The following VAV3 variants were observed in gnomAD, a reference collection of about 807,000 sequenced individuals.
The protein encoded by VAV3 is vav guanine nucleotide exchange factor 3.
VAV3 carries 94 observed loss-of-function variants against 131.2 expected under a neutral mutation model. The ratio of observed to expected loss-of-function variants is 0.72; its 90% CI spans 0.61 to 0.85. VAV3 has a LOEUF of 0.85. Ranked by LOEUF, VAV3 falls within the 40% of genes least tolerant of loss-of-function variation. The probability of loss-of-function intolerance (pLI) is 0.00; values close to 1 mark genes in which losing one functional copy is unlikely to be tolerated. For synonymous variants in VAV3, 349 were observed against 342.0 expected (o/e 1.02, Z -0.22); for missense variants, 939 against 1,002.7 (o/e 0.94, Z 0.86).
intron 22 of VAV3, among the ~76,000 whole-genome samples, chr1:107,608,611 G>A (rs1048900590): frequency 6.6e-6 from 1 of 152,166 alleles, no homozygotes; most frequent in African/African-American, 2.4e-5. Flanking sequence ...CCCAGGGAGG[G>A]ATATCAGGAA....
At position 107,751,124 on chromosome 1, in the gene VAV3, G is replaced by C; in HGVS notation, c.1252C>G (p.Gln418Glu). ...RITTLDKHTK[Q>E]ERHIFLFDLA... The stretch of plus-strand genomic sequence containing the variant: ...GTATTCTTCTTTTCTTACCTTTCTT[G>C]TTTGGTATGCTTGTCTAGAGTGGTT... Residue 418 changes from glutamine to glutamate, a missense_variant, in exon 13 of 27, where the codon CAA (glutamine) becomes GAA (glutamate). Physicochemically the swap from Gln to Glu is conservative, Grantham distance 29 (BLOSUM62 2). Transcript: ENST00000370056. The C allele has an allele frequency of 6.2e-7, 1 of 1,606,896 alleles. No individual in the cohort carries two copies. Among genetic ancestry groups the C allele is most frequent in the Non-Finnish European group, 8.5e-7 (1 of 1,177,650 alleles).
intron 19 of VAV3, among the ~76,000 whole-genome samples, chr1:107,656,012 T>C (rs1656524527): frequency 6.6e-6 from 1 of 152,058 alleles, no homozygotes; most frequent in African/African-American, 2.4e-5. Flanking sequence ...TAATGCTAAT[T>C]AGTACAGCCC....
intron 15 of VAV3, among the ~76,000 whole-genome samples, chr1:107,739,616 A>G (rs1211660525): frequency 6.6e-6 from 1 of 152,232 alleles, no homozygotes; most frequent in Non-Finnish European, 1.5e-5. Context: ...CATTTTAAGG[A>G]GGAAGAATGT....
chr1:107,679,922 T>G (rs1335349537), intron 19 of VAV3, among the ~76,000 whole-genome samples: 1 of 152,196 alleles, frequency 6.6e-6, no homozygotes, highest in Non-Finnish European at 1.5e-5. Context: ...TCAAAAGAGC[T>G]ACCAGAATTT....
chr1:107,706,029 G>C (rs1660430669), intron 15 of VAV3, among the ~76,000 whole-genome samples: 1 of 152,108 alleles, frequency 6.6e-6, no homozygotes, highest in Non-Finnish European at 1.5e-5. Context: ...TTAGGTTGCT[G>C]CAAAAGTAAT....
intron 15 of VAV3, among the ~76,000 whole-genome samples, chr1:107,721,995 G>A (rs1409902505): frequency 1.3e-5 from 2 of 152,178 alleles, no homozygotes; most frequent in Non-Finnish European, 2.9e-5. Context: ...AGTATTAATG[G>A]AGCTAACTAG....
At chr1:107,945,234 A>G (rs1049989209) in intron 1 of VAV3, among the ~76,000 whole-genome samples, 1 of 152,222 alleles carries the variant, frequency 6.6e-6, no homozygotes, top group East Asian at 1.9e-4. Flanking sequence ...GAAAGATTAT[A>G]TAAGAAAAAA....
At chr1:107,850,101 A>G (rs1411883753) in intron 2 of VAV3, among the ~76,000 whole-genome samples, 1 of 152,172 alleles carries the variant, frequency 6.6e-6, no homozygotes, top group Non-Finnish European at 1.5e-5. Context: ...GAGAAATAGG[A>G]ACACTTTTAC....
In VAV3 at chr1:107,794,076, T is replaced by C. The variant is rs140753746; in HGVS notation, c.322-14584A>G. ...CGGGCATTATTTAGAAATTTCATTC[T>C]GTTCCAGACGGGACCAAAGATAGCT... is the stretch of plus-strand genomic sequence containing the variant. On this transcript the variant is annotated intron_variant, in intron 2 of 26. Coordinates refer to ENST00000370056, the MANE Select transcript of VAV3 (RefSeq NM_006113.5). Among the ~76,000 whole-genome samples, 24 of 152,386 alleles carry C rather than the reference T, an allele frequency of 1.6e-4. No homozygotes were observed. The East Asian group carries it at 2.9e-3, about 18-fold the overall frequency.
At chr1:107,660,741 G>A (rs72975651) in intron 19 of VAV3, among the ~76,000 whole-genome samples, 2 of 152,236 alleles carry the variant, frequency 1.3e-5, no homozygotes, top group South Asian at 4.1e-4. Context: ...TGCTTGGAAT[G>A]TGAACAACAT....
chr1:107,909,457 AT>A, intron 1 of VAV3, among the ~76,000 whole-genome samples: 1 of 152,000 alleles, frequency 6.6e-6, no homozygotes, highest in Non-Finnish European at 1.5e-5. Context: ...GGAAAAAAAA[AT>A]GGTCACAATT....
At chr1:107,701,943 T>G (rs1660156610) in intron 17 of VAV3, among the ~76,000 whole-genome samples, 1 of 152,220 alleles carries the variant, frequency 6.6e-6, no homozygotes, top group African/African-American at 2.4e-5. Flanking sequence ...TGTCTTCTTC[T>G]GAGCCCTCCA....
chr1:107,800,435 G>A (rs1384674082), intron 2 of VAV3, among the ~76,000 whole-genome samples: 3 of 151,972 alleles, frequency 2.0e-5, no homozygotes, highest in Admixed American at 2.0e-4. Flanking sequence ...TTGCTTTTCT[G>A]TGATTATTAG....
chr1:107,639,698 A>G (rs1655191575), intron 20 of VAV3, among the ~76,000 whole-genome samples: 1 of 152,104 alleles, frequency 6.6e-6, no homozygotes, highest in Admixed American at 6.5e-5. Context: ...AATCCTAGCT[A>G]CTTGGCAGGC....
chr1:107,854,007 C>T (rs552324220), intron 2 of VAV3, among the ~76,000 whole-genome samples: 65 of 152,082 alleles, frequency 4.3e-4, no homozygotes, highest in African/African-American at 1.5e-3. Context: ...TGAAAGGTCA[C>T]TATGAATAAT....
At chr1:107,724,441 T>C (rs1394286178) in intron 15 of VAV3, among the ~76,000 whole-genome samples, 1 of 152,222 alleles carries the variant, frequency 6.6e-6, no homozygotes, top group Non-Finnish European at 1.5e-5. Flanking sequence ...TAAGTGTTTA[T>C]TAAATGCCTG....
At chr1:107,813,118 C>CAAA (rs11310564) in intron 2 of VAV3, among the ~76,000 whole-genome samples, 72 of 133,240 alleles carry the variant, frequency 5.4e-4, no homozygotes, top group Middle Eastern at 7.6e-3. Flanking sequence ...GACTCCGTCT[C>CAAA]AAAAAAAAAA....
intron 2 of VAV3, among the ~76,000 whole-genome samples, chr1:107,813,400 A>C (rs1440891977): frequency 6.6e-6 from 1 of 152,198 alleles, no homozygotes; most frequent in African/African-American, 2.4e-5. Flanking sequence ...AAATTGGCAT[A>C]CTGGCATATT....
intron 17 of VAV3, among the ~76,000 whole-genome samples, chr1:107,696,842 T>G (rs183991944): frequency 6.6e-6 from 1 of 152,298 alleles, no homozygotes; most frequent in Non-Finnish European, 1.5e-5. Context: ...CCTGGATATA[T>G]CTTATCCCTT....
Sources: gnomAD v4.1 joint callset for allele counts (sites outside exome capture counted in the v4.1 genomes callset) on GRCh38, gnomAD v4.1.1 for gene constraint, MANE v1.5 for transcripts, NCBI Gene and HGNC (gene_info 2026-07-23, HGNC 2026-07-21) for gene names.